ZCCHC7: variants seen among roughly 807,000 people sequenced by gnomAD.
ZCCHC7 encodes the protein zinc finger CCHC-type containing 7.
In ZCCHC7, 35 loss-of-function variants were observed where a neutral mutation model predicts 52.0. The ratio of observed to expected loss-of-function variants is 0.67; its 90% confidence interval spans 0.51 to 0.89. The LOEUF is 0.89. Among genes scored for constraint, ZCCHC7 ranks in the 40% least tolerant of loss-of-function variants. ZCCHC7 has a pLI of 0.00. For synonymous variants in ZCCHC7, 217 were observed against 221.5 expected (o/e 0.98, Z 0.18); for missense variants, 574 against 649.1 (o/e 0.88, Z 1.26).
At chr9:37,301,204 C>G in intron 2 of ZCCHC7, among the ~76,000 whole-genome samples, 1 of 152,216 alleles carries the variant, frequency 6.6e-6, no homozygotes, top group East Asian at 1.9e-4. Flanking sequence ...TGCAAGTTAA[C>G]TGATACTGGA....
intron 2 of ZCCHC7, among the ~76,000 whole-genome samples, chr9:37,240,016 G>A (rs1656998726): frequency 6.6e-6 from 1 of 152,150 alleles, no homozygotes; most frequent in African/African-American, 2.4e-5. Flanking sequence ...AGGCATTTAT[G>A]TAGCAAAATG....
At chr9:37,190,836 T>C (rs1401857157) in intron 2 of ZCCHC7, among the ~76,000 whole-genome samples, 1 of 151,894 alleles carries the variant, frequency 6.6e-6, no homozygotes, top group Non-Finnish European at 1.5e-5. Flanking sequence ...CTGACCAACA[T>C]GGAAAAACCC....
chr9:37,120,787 T>G (rs1023172083), intron 1 of ZCCHC7, 164 bp downstream of exon 1: 1 of 325,632 alleles, frequency 3.1e-6, no homozygotes, highest in Admixed American at 5.0e-5. Flanking sequence ...GTCCGTCACC[T>G]GCGCGCCGCC....
chr9:37,283,074 C>T (rs549995123), intron 2 of ZCCHC7, among the ~76,000 whole-genome samples: 1 of 151,876 alleles, frequency 6.6e-6, no homozygotes, highest in African/African-American at 2.4e-5. Flanking sequence ...GTTTTCTTTT[C>T]TGTTGTTTTT....
intron 2 of ZCCHC7, among the ~76,000 whole-genome samples, chr9:37,143,251 C>A (rs1453229137): frequency 6.6e-6 from 1 of 151,630 alleles, no homozygotes; most frequent in Non-Finnish European, 1.5e-5. Flanking sequence ...AATGGCTAAA[C>A]CTGTATGGTA....
At chr9:37,194,614 T>C (rs1433236724) in intron 2 of ZCCHC7, among the ~76,000 whole-genome samples, 1 of 152,188 alleles carries the variant, frequency 6.6e-6, no homozygotes, top group East Asian at 1.9e-4. Context: ...ATGATTTTCA[T>C]GGAGCATTTA....
intron 2 of ZCCHC7, among the ~76,000 whole-genome samples, chr9:37,278,034 G>GTGTGTGTGTTTTGTTTTGTTTTGTTT (rs74182939): frequency 1.3e-4 from 18 of 142,958 alleles, no homozygotes; most frequent in Non-Finnish European, 2.1e-4. Flanking sequence ...GTGTGTGTGT[G>GTGTGTGTGTTTTGTTTTGTTTTGTTT]TGTTTTGTTT....
intron 6 of ZCCHC7, among the ~76,000 whole-genome samples, chr9:37,341,705 G>A (rs1820647534): frequency 6.6e-6 from 1 of 152,044 alleles, no homozygotes; most frequent in African/African-American, 2.4e-5. Context: ...TTTTAAATAG[G>A]GTGCTCAGGA....
In ZCCHC7 at chr9:37,126,871, G is replaced by A. The variant is rs769429435; in HGVS notation, c.539G>A (p.Gly180Glu). 2.5e-6 allele frequency: 4 copies of A among 1,614,152 alleles called. No individual in the cohort carries two copies. The South Asian group carries it at 3.3e-5, about 13-fold the overall frequency. ...GDNVESWMLL[G>E]CEVDDKDDDI... ...AATGTGGAAAGCTGGATGCTACTGGGATGTGAAGTAGATGATAAAGATGAT... is the reference window on the plus strand; with the variant it reads ...AATGTGGAAAGCTGGATGCTACTGGAATGTGAAGTAGATGATAAAGATGAT... The change falls in exon 2 of 9, where the codon GGA becomes GAA. Residue 180 changes from glycine to glutamate, a missense_variant. Around this residue, in one of 3 missense-constraint regions of ZCCHC7, gnomAD observed 403 missense variants for 461.2 expected, o/e 0.87. Transcript: ENST00000336755.
intron 6 of ZCCHC7, among the ~76,000 whole-genome samples, chr9:37,332,491 A>G (rs1830487934): frequency 6.6e-6 from 1 of 151,576 alleles, no homozygotes; most frequent in African/African-American, 2.4e-5. Context: ...GTTTTATGTT[A>G]TTTAAATACT....
Position 37,194,947 on chromosome 9 carries a change from CTTTTTTT to C in ZCCHC7, c.610+68016_610+68022del, listed in dbSNP as rs1169877667. Among the ~76,000 whole-genome samples the C allele has an allele frequency of 1.0e-3, 137 of 133,502 alleles. 1 individual carries two copies. The highest frequency in any genetic ancestry group is 3.2e-3 in the African/African-American group (115 of 36,274). The allele number at this position is 133,502 out of a possible 152,430, so 87.6% of individuals were successfully genotyped here. On this transcript the variant is annotated intron_variant, in intron 2 of 8. Coordinates refer to ENST00000336755, the MANE Select transcript of ZCCHC7 (RefSeq NM_032226.3). ...TCAGATTTCTTGGATTCTCTTTTTT[CTTTTTTT>C]TTTTTTTTTTGAGATGGGGTCTCAC...
intron 2 of ZCCHC7, among the ~76,000 whole-genome samples, chr9:37,281,334 A>G (rs1315471959): frequency 6.6e-6 from 1 of 152,242 alleles, no homozygotes; most frequent in Non-Finnish European, 1.5e-5. Context: ...TCTTTTATTA[A>G]AAAGAGAGAA....
At chr9:37,161,583 A>C (rs559331792) in intron 2 of ZCCHC7, among the ~76,000 whole-genome samples, 110 of 152,242 alleles carry the variant, frequency 7.2e-4, no homozygotes, top group African/African-American at 2.4e-3. Flanking sequence ...TCAAAAAAAA[A>C]AGAAAAAAAA....
At chr9:37,222,180 G>A (rs1824848439) in intron 2 of ZCCHC7, among the ~76,000 whole-genome samples, 1 of 151,396 alleles carries the variant, frequency 6.6e-6, no homozygotes, top group Admixed American at 6.6e-5. Context: ...CTTAATATTT[G>A]TCTGAAAAAT....
At chr9:37,247,839 T>C (rs895017887) in intron 2 of ZCCHC7, among the ~76,000 whole-genome samples, 1 of 152,008 alleles carries the variant, frequency 6.6e-6, no homozygotes, top group African/African-American at 2.4e-5. Context: ...AAGTCAAGGC[T>C]GCAGTGAGCC....
At chr9:37,222,803 C>T (rs1234459942) in intron 2 of ZCCHC7, among the ~76,000 whole-genome samples, 1 of 151,858 alleles carries the variant, frequency 6.6e-6, no homozygotes, top group South Asian at 2.1e-4. Context: ...TATAAAGTAC[C>T]CTTAATCTAA....
At chr9:37,195,396 G>A (rs1461564594) in intron 2 of ZCCHC7, among the ~76,000 whole-genome samples, 1 of 152,020 alleles carries the variant, frequency 6.6e-6, no homozygotes, top group African/African-American at 2.4e-5. Flanking sequence ...ACAAAATAAA[G>A]TTTTTTTTGT....
At chr9:37,356,502 G>T (rs938898802) in intron 8 of ZCCHC7, among the ~76,000 whole-genome samples, 2 of 152,222 alleles carry the variant, frequency 1.3e-5, no homozygotes, top group Non-Finnish European at 1.5e-5. Context: ...TTCAAAGGCT[G>T]ACTCGTCATC....
chr9:37,292,851 T>G (rs1174263120), intron 2 of ZCCHC7, among the ~76,000 whole-genome samples: 2 of 138,994 alleles, frequency 1.4e-5, no homozygotes, highest in African/African-American at 5.3e-5. Flanking sequence ...CTGGTATGTA[T>G]CAAATGAAAT....
Sources: gnomAD v4.1 joint callset for allele counts (sites outside exome capture counted in the v4.1 genomes callset) on GRCh38, gnomAD v4.1.1 for gene constraint, gnomAD v4.1.1 regional missense constraint, MANE v1.5 for transcripts, NCBI Gene and HGNC (gene_info 2026-07-23, HGNC 2026-07-21) for gene names.